The following CAND1 variants were observed in gnomAD, a reference collection of about 807,000 sequenced individuals.
CAND1 encodes the protein cullin associated and neddylation dissociated 1.
CAND1 carries 7 observed loss-of-function variants against 108.5 expected under a neutral mutation model. The ratio of observed to expected loss-of-function variants is 0.06; its 90% CI spans 0.04 to 0.12. CAND1 has a LOEUF of 0.12. Among genes scored for constraint, CAND1 ranks in the 10% least tolerant of loss-of-function variants. The pLI is 1.00. For missense variants in CAND1, 941 were observed against 1,448.7 expected (o/e 0.65, Z 5.69); for synonymous variants, 534 against 512.0 (o/e 1.04, Z -0.58).
intron 8 of CAND1, among the ~76,000 whole-genome samples, chr12:67,304,292 A>C (rs561370893): frequency 9.5e-4 from 144 of 152,208 alleles, no homozygotes; most frequent in African/African-American, 3.3e-3. Context: ...CCAGCCTATT[A>C]ATTTCTTTTT....
At chr12:67,278,018 A>G (rs1173074705) in intron 1 of CAND1, among the ~76,000 whole-genome samples, 1 of 152,170 alleles carries the variant, frequency 6.6e-6, no homozygotes, top group Non-Finnish European at 1.5e-5. Flanking sequence ...GTTGTTTTTC[A>G]GTAGCTTCCC....
intron 3 of CAND1, chr12:67,293,277 A>G (rs2044738324): frequency 1.3e-5 from 2 of 153,284 alleles, no homozygotes; most frequent in African/African-American, 2.4e-5. Flanking sequence ...ATTTAAAACT[A>G]TGATTAATGT....
chr12:67,269,658 C>T lies in CAND1; in HGVS notation c.-60C>T. ...GGAGCTCCAGTGGCGGCGGCGGCGG[C>T]GGCAGCGGCAGCGGGCAGCAGCTCC... On this transcript the variant is annotated 5_prime_UTR_variant, in exon 1 of 15. Coordinates refer to ENST00000545606, the MANE Select transcript of CAND1 (RefSeq NM_018448.5). 6 of 1,459,574 alleles carry T rather than the reference C, an allele frequency of 4.1e-6. No individual in the cohort carries two copies. Among genetic ancestry groups the T allele is most frequent in the Admixed American group, 3.6e-5 (2 of 55,128 alleles). 90.4% of individuals were successfully genotyped at this position (1,459,574 alleles called of 1,614,324 possible). A position where few individuals can be genotyped will look rare whatever the true frequency, so the allele number is the denominator to read the frequency against.
chr12:67,316,034 A>T lies in CAND1; in HGVS notation c.*3204A>T, dbSNP rs2045004765. 6.6e-6 allele frequency: 1 copy of T among 152,230 alleles called. No individual in the cohort carries two copies. The highest frequency in any genetic ancestry group is 2.1e-4 in the South Asian group (1 of 4,838). The allele number at this position is 152,230 out of a possible 1,614,324, so 9.4% of individuals were successfully genotyped here. ...TTAATTGCCAATCTCTGGATATATTATGCTTAGTAAGTGTTTTGAAATTAA... is the reference window on the plus strand; with the variant it reads ...TTAATTGCCAATCTCTGGATATATTTTGCTTAGTAAGTGTTTTGAAATTAA... On this transcript the variant is annotated 3_prime_UTR_variant, in exon 15 of 15. Transcript: ENST00000545606.
chr12:67,303,777 A>G (rs2044849461), intron 8 of CAND1, among the ~76,000 whole-genome samples: 1 of 152,098 alleles, frequency 6.6e-6, no homozygotes, highest in African/African-American at 2.4e-5. Flanking sequence ...TCTTTTAATC[A>G]TACCCCTGCT....
chr12:67,303,046 T>G (rs142020816), intron 8 of CAND1, among the ~76,000 whole-genome samples: 36 of 152,376 alleles, frequency 2.4e-4, no homozygotes, highest in African/African-American at 8.7e-4. Context: ...AGCTGGGTGA[T>G]CTGTGTAGAG....
intron 2 of CAND1, among the ~76,000 whole-genome samples, chr12:67,284,201 A>G (rs554404447): frequency 2.0e-5 from 3 of 152,256 alleles, no homozygotes; most frequent in African/African-American, 4.8e-5. Context: ...GTTCTAGAAC[A>G]TAGGGTAAGT....
At chr12:67,284,242 A>G (rs1358392451) in intron 2 of CAND1, among the ~76,000 whole-genome samples, 1 of 152,100 alleles carries the variant, frequency 6.6e-6, no homozygotes, top group Non-Finnish European at 1.5e-5. Flanking sequence ...TATTTAAATT[A>G]AATACTGATA....
Position 67,312,777 on chromosome 12 carries a change from A to C in CAND1, c.3640A>C (p.Ser1214Arg). 1 of 1,613,788 alleles carries C rather than the reference A, an allele frequency of 6.2e-7. No homozygotes were observed. Among genetic ancestry groups the C allele is most frequent in the South Asian group, 1.1e-5 (1 of 91,010 alleles). The part of the protein sequence containing the change: ...SNPELAAIFE[S>R]IQKDSSSTNL... ...CCCTGAGCTGGCGGCTATCTTTGAAAGTATCCAGAAAGATTCATCATCTAC... is the reference window on the plus strand; with the variant it reads ...CCCTGAGCTGGCGGCTATCTTTGAACGTATCCAGAAAGATTCATCATCTAC... The change falls in exon 15 of 15, where the codon AGT (serine) becomes CGT (arginine). Residue 1214 changes from serine (S) to arginine (R), a missense_variant. Ser to Arg is a moderately radical substitution (Grantham distance 110). Transcript: ENST00000545606.
rs2044623044 is a variant in CAND1, at chr12:67,281,859, T to A, written c.69-51T>A. On this transcript the variant is annotated intron_variant, in intron 1 of 14. Coordinates refer to ENST00000545606, the MANE Select transcript of CAND1 (RefSeq NM_018448.5). ...TGGATTTGAAAAATCATTATCTTTT[T>A]AAATTAATGCTTTAAAATTTTCAAA... The A allele has an allele frequency of 2.3e-6, 3 of 1,318,294 alleles. No individual in the cohort carries two copies. In the East Asian group the frequency reaches 7.6e-5, roughly 33 times the overall value. The allele number at this position is 1,318,294 out of a possible 1,614,324, so 81.7% of individuals were successfully genotyped here.
intron 6 of CAND1, among the ~76,000 whole-genome samples, chr12:67,298,401 T>G (rs1228437479): frequency 6.6e-6 from 1 of 152,216 alleles, no homozygotes; most frequent in Non-Finnish European, 1.5e-5. Flanking sequence ...TTTTCTGCAT[T>G]TATCCCTTGA....
chr12:67,283,881 G>T (rs1166145040), intron 2 of CAND1, among the ~76,000 whole-genome samples: 1 of 152,086 alleles, frequency 6.6e-6, no homozygotes, highest in African/African-American at 2.4e-5. Flanking sequence ...AGTTAGAGGA[G>T]TTGGGGAGAA....
At position 67,313,760 on chromosome 12, in the gene CAND1, T is replaced by C. The variant is rs1226426711; in HGVS notation, c.*930T>C. On this transcript the variant is annotated 3_prime_UTR_variant, in exon 15 of 15. Coordinates refer to ENST00000545606, the MANE Select transcript of CAND1 (RefSeq NM_018448.5). ...TTAGAAATTCTTAAAACCAGATTTT[T>C]CTTTCATTCCGTTTGGATGTCTACA... 1 of 152,646 alleles carries C rather than the reference T, an allele frequency of 6.6e-6. No homozygotes were observed. Among genetic ancestry groups the C allele is most frequent in the Non-Finnish European group, 1.5e-5 (1 of 68,014 alleles). The allele number at this position is 152,646 out of a possible 1,614,324, so 9.5% of individuals were successfully genotyped here.
Position 67,305,056 on chromosome 12 carries a change from T to C in CAND1, c.1436-48T>C. ...TAGGGGTTGATTTTTAATTTTTCTT[T>C]CTTAAAAGTCTGCACAGCAATGATT... On this transcript the variant is annotated intron_variant, in intron 9 of 14. Coordinates refer to ENST00000545606, the MANE Select transcript of CAND1 (RefSeq NM_018448.5). This position sits in a 1 kb window ranked among gnomAD's most constrained non-coding sequence, Gnocchi z 4.4. 6.7e-7 allele frequency: 1 copy of C among 1,501,678 alleles called. No homozygotes were observed. The allele number at this position is 1,501,678 out of a possible 1,614,324, so 93.0% of individuals were successfully genotyped here.
At chr12:67,294,235 C>T (rs951081422) in intron 3 of CAND1, among the ~76,000 whole-genome samples, 1 of 152,110 alleles carries the variant, frequency 6.6e-6, no homozygotes, top group African/African-American at 2.4e-5. Flanking sequence ...TTCTTACTTT[C>T]ACAGTGACTT....
chr12:67,282,831 T>C (rs1383968069), intron 2 of CAND1, among the ~76,000 whole-genome samples: 1 of 152,226 alleles, frequency 6.6e-6, no homozygotes, highest in Non-Finnish European at 1.5e-5. Flanking sequence ...CAGAGAGTCT[T>C]TTCTAAGAAT....
chr12:67,286,885 A>T lies in CAND1; in HGVS notation c.212+4832A>T, dbSNP rs190153153. Among the ~76,000 whole-genome samples, 630 of 152,292 alleles carry T rather than the reference A, an allele frequency of 4.1e-3. 4 individuals are homozygous for T. The highest frequency in any genetic ancestry group is 0.031 in the Middle Eastern group (9 of 294). On this transcript the variant is annotated intron_variant, in intron 2 of 14. Coordinates refer to ENST00000545606, the MANE Select transcript of CAND1 (RefSeq NM_018448.5). Reference sequence around the variant, plus strand: ...TTTTCTCCAAATGGATATCCAGTTGATGCAGCACTGTTTATTGAAAAGACC... The same window carrying T: ...TTTTCTCCAAATGGATATCCAGTTGTTGCAGCACTGTTTATTGAAAAGACC...
chr12:67,276,570 G>A (rs1465184588), intron 1 of CAND1, among the ~76,000 whole-genome samples: 3 of 152,168 alleles, frequency 2.0e-5, no homozygotes, highest in Non-Finnish European at 4.4e-5. Context: ...AAATTTTACA[G>A]GGAGGGCTGA....
At chr12:67,292,853 C>A in intron 3 of CAND1, 77 bp downstream of exon 3, 1 of 1,405,918 alleles carries the variant, frequency 7.1e-7, no homozygotes, top group Non-Finnish European at 1.0e-6. Context: ...CCCCTTCTGG[C>A]CAAGGAGGGA....
Sources: allele counts gnomAD v4.1 joint callset (sites outside exome capture counted in the v4.1 genomes callset), GRCh38; gene constraint gnomAD v4.1.1; non-coding constraint Gnocchi (gnomAD v3.1); transcripts MANE v1.5; gene names NCBI Gene and HGNC (gene_info 2026-07-23, HGNC 2026-07-21).